CDC42BPA: variants seen among roughly 807,000 people sequenced by gnomAD.
CDC42BPA encodes the protein CDC42 binding protein kinase alpha, also known as serine/threonine-protein kinase MRCK alpha.
CDC42BPA carries 80 observed loss-of-function variants against 223.5 expected under a neutral mutation model. The observed-to-expected ratio is 0.36, with a 90% confidence interval of 0.30 to 0.43. The LOEUF is 0.43. Among genes scored for constraint, CDC42BPA ranks in the 20% least tolerant of loss-of-function variants. The pLI, the probability that CDC42BPA is intolerant of heterozygous loss-of-function variation, is 1.00. For synonymous variants in CDC42BPA, 694 were observed against 718.6 expected, an observed-to-expected ratio of 0.97 and a Z score of 0.55; for missense variants, 1,743 against 2,099.9, an observed-to-expected ratio of 0.83 and a Z score of 3.32.
intron 1 of CDC42BPA, among the ~76,000 whole-genome samples, chr1:227,294,971 T>C (rs992198090): frequency 6.7e-6 from 1 of 150,040 alleles, no homozygotes; most frequent in Admixed American, 6.6e-5. Flanking sequence ...AATGTTCCTA[T>C]GTAGAAAACT....
intron 1 of CDC42BPA, among the ~76,000 whole-genome samples, chr1:227,259,166 A>G (rs1452998768): frequency 1.3e-5 from 2 of 150,676 alleles, no homozygotes; most frequent in African/African-American, 5.0e-5. Context: ...TCTCCCCCTC[A>G]GTTCTCAGGG....
intron 24 of CDC42BPA, among the ~76,000 whole-genome samples, chr1:227,038,190 GGTTT>G (rs377177321): frequency 0.15 from 23,249 of 151,758 alleles, 2,170 homozygotes; most frequent in African/African-American, 0.25. Flanking sequence ...GAAATCTGAT[GGTTT>G]TATAAAGGGG....
At chr1:227,150,587 G>A (rs1456274138) in intron 6 of CDC42BPA, among the ~76,000 whole-genome samples, 1 of 151,920 alleles carries the variant, frequency 6.6e-6, no homozygotes. Flanking sequence ...GGTATACTTC[G>A]GAAAACAAGA....
intron 2 of CDC42BPA, among the ~76,000 whole-genome samples, chr1:227,238,854 A>C (rs1679541363): frequency 6.6e-6 from 1 of 152,176 alleles, no homozygotes; most frequent in Non-Finnish European, 1.5e-5. Context: ...AGGAAACTAC[A>C]GGGAAATACA....
intron 1 of CDC42BPA, among the ~76,000 whole-genome samples, chr1:227,276,405 G>C (rs28470444): frequency 0.17 from 25,728 of 151,818 alleles, 2,200 homozygotes; most frequent in Middle Eastern, 0.2. Flanking sequence ...CGTCTGGGAA[G>C]TGAGGAGCGT....
chr1:227,059,393 G>C (rs934510773), intron 21 of CDC42BPA: 2 of 1,564,224 alleles, frequency 1.3e-6, no homozygotes, highest in Non-Finnish European at 1.7e-6. Context: ...TTGCTAGCTG[G>C]AGTACAGGAT....
intron 4 of CDC42BPA, among the ~76,000 whole-genome samples, chr1:227,198,500 T>TTAAC (rs72273773): frequency 8.9e-4 from 4 of 4,472 alleles, no homozygotes; most frequent in African/African-American, 6.5e-3. Flanking sequence ...TGTAACTAAC[T>TTAAC]TGATTTTATT....
intron 21 of CDC42BPA, among the ~76,000 whole-genome samples, chr1:227,052,214 G>C (rs1216292409): frequency 6.6e-6 from 1 of 152,146 alleles, no homozygotes; most frequent in Non-Finnish European, 1.5e-5. Context: ...GCTCCTCCCT[G>C]ATCTTCACTG....
intron 2 of CDC42BPA, among the ~76,000 whole-genome samples, chr1:227,222,080 T>G (rs1003127699): frequency 7.9e-6 from 1 of 127,194 alleles, no homozygotes; most frequent in Non-Finnish European, 1.7e-5. Flanking sequence ...AAAAAAAAAA[T>G]TAATTAGTCA....
At chr1:227,059,784 A>T (rs538704470) in intron 21 of CDC42BPA, among the ~76,000 whole-genome samples, 1 of 152,314 alleles carries the variant, frequency 6.6e-6, no homozygotes, top group Non-Finnish European at 1.5e-5. Context: ...AAAATAATGA[A>T]CTAGCCTGGC....
Position 227,317,129 on chromosome 1 carries a change from G to A in CDC42BPA, c.54C>T (p.Pro18=), listed in dbSNP as rs185771662. The A allele has an allele frequency of 3.0e-5, 48 of 1,613,878 alleles. No homozygotes were observed. The highest frequency in any genetic ancestry group is 3.7e-5 in the Non-Finnish European group (44 of 1,179,984). ...RQLEQFILDG[P]AQTNGQCFSV... is the part of the protein sequence containing the mutation. The stretch of plus-strand genomic sequence containing the variant: ...TGAAGCACTGCCCATTGGTCTGAGC[G>A]GGCCCGTCCAAAATAAACTGCTCCA... Residue 18 remains proline, a synonymous_variant, in exon 1 of 37, where the codon CCC becomes CCT. Transcript: ENST00000366766.
Position 227,072,241 on chromosome 1 carries a change from T to C in CDC42BPA, c.2794A>G (p.Ile932Val). The C allele has an allele frequency of 6.2e-7, 1 of 1,609,242 alleles. No homozygotes were observed. The highest frequency in any genetic ancestry group is 8.5e-7 in the Non-Finnish European group (1 of 1,176,158). The stretch of plus-strand genomic sequence containing the variant: ...GATCTAAGCTCTTCAGTGTCCTTTA[T>C]CAGCTGTTCGATTTCTGAGAGTAGT... ...LELLSEIEQL[I>V]KDTEELRSEK... Residue 932 changes from isoleucine to valine, a missense_variant, in exon 20 of 37, where the codon ATA becomes GTA. Around this residue, in one of 6 missense-constraint regions of CDC42BPA, gnomAD observed 678 missense variants for 777.5 expected, o/e 0.87. Coordinates refer to ENST00000366766, the MANE Select transcript of CDC42BPA (RefSeq NM_001394014.1).
intron 12 of CDC42BPA, among the ~76,000 whole-genome samples, chr1:227,118,644 TC>T (rs1194631612): frequency 6.6e-6 from 1 of 152,112 alleles, no homozygotes; most frequent in Non-Finnish European, 1.5e-5. Context: ...GAATCCAAGA[TC>T]CTTCTCTTTA....
chr1:227,154,323 C>T (rs1208153524), intron 6 of CDC42BPA, among the ~76,000 whole-genome samples: 1 of 151,850 alleles, frequency 6.6e-6, no homozygotes, highest in Admixed American at 6.6e-5. Context: ...TAATTTGAAG[C>T]TACAGAAACA....
chr1:227,197,169 G>C (rs991711426), intron 4 of CDC42BPA, among the ~76,000 whole-genome samples: 1 of 151,986 alleles, frequency 6.6e-6, no homozygotes, highest in African/African-American at 2.4e-5. Context: ...TCTTTACTTG[G>C]CAATTTAAAA....
chr1:227,317,559 G>A lies in CDC42BPA; in HGVS notation c.-377C>T. The A allele has an allele frequency of 5.1e-6, 2 of 395,964 alleles. No individual in the cohort carries two copies. The highest frequency in any genetic ancestry group is 4.4e-5 in the Admixed American group (1 of 22,488). 24.5% of individuals were successfully genotyped at this position (395,964 alleles called of 1,614,324 possible). On this transcript the variant is annotated 5_prime_UTR_variant, in exon 1 of 37. Transcript: ENST00000366766. ...CTCCTTCATTCAAAATTCAACTCGT[G>A]CAACGTAATCCTGAAACGAATCCGG... is the stretch of plus-strand genomic sequence containing the variant.
intron 21 of CDC42BPA, among the ~76,000 whole-genome samples, chr1:227,052,854 T>A (rs1429503573): frequency 6.6e-6 from 1 of 152,208 alleles, no homozygotes; most frequent in African/African-American, 2.4e-5. Flanking sequence ...GATGATAACG[T>A]ATCCCTTAGA....
intron 34 of CDC42BPA, among the ~76,000 whole-genome samples, chr1:227,013,396 T>TC (rs1665587290): frequency 6.7e-6 from 1 of 149,744 alleles, no homozygotes; most frequent in South Asian, 2.1e-4. Context: ...TTTTTATCTC[T>TC]TTTTTTTTCT....
chr1:227,080,076 G>A (rs774507350), intron 17 of CDC42BPA, among the ~76,000 whole-genome samples: 1 of 151,986 alleles, frequency 6.6e-6, no homozygotes, highest in Non-Finnish European at 1.5e-5. Flanking sequence ...TCTACTTGTG[G>A]TGTCACGTCA....
Sources: allele counts gnomAD v4.1 joint callset (sites outside exome capture counted in the v4.1 genomes callset), GRCh38; gene constraint gnomAD v4.1.1; regional missense constraint gnomAD v4.1.1; transcripts MANE v1.5; gene names NCBI Gene and HGNC (gene_info 2026-07-23, HGNC 2026-07-21).